Variants in ASAP1 observed in about 807,000 individuals in gnomAD.
The protein encoded by ASAP1 is ArfGAP with SH3 domain, ankyrin repeat and PH domain 1.
A neutral mutation model predicts 145.2 loss-of-function variants in ASAP1; 43 were observed. The observed-to-expected ratio is 0.30, with a 90% confidence interval of 0.23 to 0.38. ASAP1 has a LOEUF of 0.38. Ranked by LOEUF, ASAP1 falls within the 10% of genes least tolerant of loss-of-function variation. The pLI, the probability that ASAP1 is intolerant of heterozygous loss-of-function variation, is 1.00. For missense variants in ASAP1, 1,018 were observed against 1,355.3 expected, an observed-to-expected ratio of 0.75 and a Z score of 3.91; for synonymous variants, 546 against 515.5, an observed-to-expected ratio of 1.06 and a Z score of -0.80.
chr8:130,349,431 A>T (rs559585442), intron 3 of ASAP1, among the ~76,000 whole-genome samples: 4 of 152,196 alleles, frequency 2.6e-5, no homozygotes, highest in Non-Finnish European at 5.9e-5. Context: ...GGATAATAAG[A>T]ACAATCATTT....
chr8:130,307,617 C>T (rs1022767951), intron 3 of ASAP1, among the ~76,000 whole-genome samples: 1 of 152,254 alleles, frequency 6.6e-6, no homozygotes, highest in African/African-American at 2.4e-5. Context: ...TACACATCAT[C>T]TGCATAGTGC....
chr8:130,184,378 A>T (rs879736509), intron 7 of ASAP1, among the ~76,000 whole-genome samples: 6 of 152,150 alleles, frequency 3.9e-5, no homozygotes, highest in Admixed American at 3.9e-4. Context: ...TAAGTCAGGA[A>T]GCAGGTAAAA....
intron 1 of ASAP1, among the ~76,000 whole-genome samples, chr8:130,428,959 G>A (rs974420675): frequency 2.6e-5 from 4 of 152,170 alleles, no homozygotes; most frequent in African/African-American, 4.8e-5. Flanking sequence ...CACCCTCTCC[G>A]GTTCTTCTCA....
intron 1 of ASAP1, among the ~76,000 whole-genome samples, chr8:130,402,338 G>T (rs11992932): frequency 0.32 from 49,170 of 151,858 alleles, 8,714 homozygotes; most frequent in African/African-American, 0.46. Context: ...CCTGCAGCTG[G>T]GTGCCCACGA....
chr8:130,111,455 G>C (rs1223253485), intron 24 of ASAP1, among the ~76,000 whole-genome samples: 1 of 152,140 alleles, frequency 6.6e-6, no homozygotes, highest in Middle Eastern at 3.2e-3. Flanking sequence ...TAGAATCCCA[G>C]GCTGAGAACT....
intron 1 of ASAP1, among the ~76,000 whole-genome samples, chr8:130,405,910 ATTAT>A (rs1829007364): frequency 1.3e-5 from 2 of 152,348 alleles, no homozygotes; most frequent in South Asian, 2.1e-4. Context: ...AAAATCAATT[ATTAT>A]CCCAATACCT....
chr8:130,264,411 G>A (rs115532472), intron 3 of ASAP1, among the ~76,000 whole-genome samples: 35 of 152,282 alleles, frequency 2.3e-4, no homozygotes, highest in African/African-American at 5.8e-4. Flanking sequence ...AAAGGCAGTC[G>A]TGCGTGCCAG....
At chr8:130,213,062 G>C (rs1454988562) in intron 5 of ASAP1, among the ~76,000 whole-genome samples, 1 of 152,210 alleles carries the variant, frequency 6.6e-6, no homozygotes, top group Non-Finnish European at 1.5e-5. Context: ...GGCCTCCAGT[G>C]AAAGTGCAGG....
intron 1 of ASAP1, among the ~76,000 whole-genome samples, chr8:130,418,359 C>T (rs1829574638): frequency 1.3e-5 from 2 of 152,020 alleles, no homozygotes; most frequent in Admixed American, 1.3e-4. Flanking sequence ...ACCAGCCTGA[C>T]CAACATGGTG....
chr8:130,290,032 C>A (rs1821855080), intron 3 of ASAP1, among the ~76,000 whole-genome samples: 1 of 152,164 alleles, frequency 6.6e-6, no homozygotes, highest in South Asian at 2.1e-4. Context: ...TCTAAGCGCT[C>A]TTCCTGGTAC....
At chr8:130,418,729 T>C (rs1167129574) in intron 1 of ASAP1, among the ~76,000 whole-genome samples, 1 of 151,858 alleles carries the variant, frequency 6.6e-6, no homozygotes, top group African/African-American at 2.4e-5. Context: ...TTATATAGCT[T>C]TGCCTATTTG....
chr8:130,425,925 C>T (rs572702063), intron 1 of ASAP1, among the ~76,000 whole-genome samples: 111 of 152,314 alleles, frequency 7.3e-4, no homozygotes, highest in Admixed American at 7.2e-3. Context: ...GAAATCCATA[C>T]TTTCAGAGTT....
At chr8:130,305,978 T>A (rs1487277821) in intron 3 of ASAP1, among the ~76,000 whole-genome samples, 2 of 152,220 alleles carry the variant, frequency 1.3e-5, no homozygotes, top group Admixed American at 1.3e-4. Context: ...TCACTCAATG[T>A]CCCTTACTTA....
At chr8:130,371,631 T>C (rs1827217664) in intron 2 of ASAP1, among the ~76,000 whole-genome samples, 1 of 152,192 alleles carries the variant, frequency 6.6e-6, no homozygotes, top group African/African-American at 2.4e-5. Flanking sequence ...ATCCTTCCCT[T>C]CTTATTGCAT....
chr8:130,345,846 A>C (rs183630967), intron 3 of ASAP1, among the ~76,000 whole-genome samples: 5 of 152,354 alleles, frequency 3.3e-5, no homozygotes, highest in Admixed American at 2.6e-4. Flanking sequence ...CAACTCTGTG[A>C]CTAGTATTAC....
At chr8:130,338,393 A>T (rs1409167281) in intron 3 of ASAP1, among the ~76,000 whole-genome samples, 1 of 152,188 alleles carries the variant, frequency 6.6e-6, no homozygotes, top group East Asian at 1.9e-4. Flanking sequence ...TGCTACAATT[A>T]AAGTATTCTG....
chr8:130,259,890 C>T (rs780112829), intron 3 of ASAP1, among the ~76,000 whole-genome samples: 15 of 152,264 alleles, frequency 9.9e-5, no homozygotes, highest in Non-Finnish European at 1.9e-4. Context: ...AATACTAAGG[C>T]TTTCAAATTA....
chr8:130,426,412 G>GAA (rs56287696), intron 1 of ASAP1, among the ~76,000 whole-genome samples: 6 of 138,912 alleles, frequency 4.3e-5, no homozygotes, highest in Admixed American at 7.2e-5. Flanking sequence ...CACTGGTTAG[G>GAA]AAAAAAAAAA....
At chr8:130,097,724 C>T (rs541595655) in intron 24 of ASAP1, among the ~76,000 whole-genome samples, 1 of 150,100 alleles carries the variant, frequency 6.7e-6, no homozygotes, top group Non-Finnish European at 1.5e-5. Context: ...CTGGGCCCAA[C>T]AATTTAGTCT....
Sources: gnomAD v4.1 joint callset for allele counts (sites outside exome capture counted in the v4.1 genomes callset) on GRCh38, gnomAD v4.1.1 for gene constraint, MANE v1.5 for transcripts, NCBI Gene and HGNC (gene_info 2026-07-23, HGNC 2026-07-21) for gene names.